TM2D2: variants seen among roughly 807,000 people sequenced by gnomAD.
The protein encoded by TM2D2 is TM2 domain containing 2.
A neutral mutation model predicts 23.0 loss-of-function variants in TM2D2; 19 were observed. The ratio of observed to expected loss-of-function variants is 0.82; its 90% CI spans 0.58 to 1.21. TM2D2 has a LOEUF of 1.21. Among genes scored for constraint, TM2D2 ranks in the 50% most tolerant of loss-of-function variants. The pLI, the probability that TM2D2 is intolerant of heterozygous loss-of-function variation, is 0.00. For synonymous variants in TM2D2, 120 were observed against 108.8 expected, an observed-to-expected ratio of 1.10 and a Z score of -0.64; for missense variants, 246 against 265.4, an observed-to-expected ratio of 0.93 and a Z score of 0.51.
chr8:38,995,550 C>T (rs1376285680), intron 1 of TM2D2, 145 bp from the exon 2 acceptor site: 11 of 1,513,162 alleles, frequency 7.3e-6, no homozygotes, highest in Non-Finnish European at 9.7e-6. Flanking sequence ...CTTTCCAAGC[C>T]AATTAAACTG....
rs561300785 is a variant in TM2D2 at position 38,996,288 on chromosome 8, T to A, written c.152A>T (p.Gln51Leu). ...EPELTSAGAAQPEGPGGAASW... is the reference protein window; with the variant it reads ...EPELTSAGAALPEGPGGAASW... ...CGCAGCACCCCCGGGGCCCTCCGGC[T>A]GGGCGGCGCCAGCGGATGTGAGCTC... is the stretch of plus-strand genomic sequence containing the variant. Residue 51 changes from glutamine to leucine, a missense_variant, in exon 1 of 4, where the codon CAG becomes CTG. Gln to Leu is a moderately radical substitution (Grantham distance 113, BLOSUM62 -2). Coordinates refer to ENST00000456397, the MANE Select transcript of TM2D2 (RefSeq NM_078473.3). 1.9e-6 allele frequency: 3 copies of A among 1,614,002 alleles called. No homozygotes were observed. Among genetic ancestry groups the A allele is most frequent in the Non-Finnish European group, 2.5e-6 (3 of 1,179,990 alleles).
rs1254317649 is a variant in TM2D2, at chr8:38,996,505, G to C, written c.-66C>G. On this transcript the variant is annotated 5_prime_UTR_variant, in exon 1 of 4. Coordinates refer to ENST00000456397, the MANE Select transcript of TM2D2 (RefSeq NM_078473.3). ...CCCCAGGCCAGCAGCACAGACCCAAGAACTGCGTGGTCAGGCCTTTCCGCG... is the reference window on the plus strand; with the variant it reads ...CCCCAGGCCAGCAGCACAGACCCAACAACTGCGTGGTCAGGCCTTTCCGCG... The C allele has an allele frequency of 1.9e-6, 3 of 1,593,406 alleles. No homozygotes were observed. The highest frequency in any genetic ancestry group is 1.7e-4 in the Middle Eastern group (1 of 5,924).
rs1248684760 is a variant in TM2D2, at chr8:38,989,974, C to A, written c.*1358G>T. 1 of 152,142 alleles carries A rather than the reference C, an allele frequency of 6.6e-6. No individual in the cohort carries two copies. The highest frequency in any genetic ancestry group is 2.4e-5 in the African/African-American group (1 of 41,412). The allele number at this position is 152,142 out of a possible 1,614,324, so 9.4% of individuals were successfully genotyped here. On this transcript the variant is annotated 3_prime_UTR_variant, in exon 4 of 4. Transcript: ENST00000456397. ...ATGACCCATAAAAATTTAATAAATA[C>A]TATCTTAGGGTATAAAGATTATGAA...
At position 38,993,531 on chromosome 8, in the gene TM2D2, A is replaced by T; in HGVS notation, c.431+14T>A. On this transcript the variant is annotated intron_variant, in intron 3 of 3. Transcript: ENST00000456397. Reference sequence around the variant, plus strand: ...CAACCAAGTACCAACTACTCCAATCAAAGTAACACTTACTTTATACAAGGT... The same window carrying T: ...CAACCAAGTACCAACTACTCCAATCTAAGTAACACTTACTTTATACAAGGT... 1 of 1,592,672 alleles carries T rather than the reference A, an allele frequency of 6.3e-7. No individual in the cohort carries two copies. Among genetic ancestry groups the T allele is most frequent in the Non-Finnish European group, 8.6e-7 (1 of 1,162,094 alleles).
intron 3 of TM2D2, among the ~76,000 whole-genome samples, chr8:38,993,220 A>G (rs1335771806): frequency 6.6e-6 from 1 of 152,200 alleles, no homozygotes; most frequent in Non-Finnish European, 1.5e-5. Context: ...TCTACTATAA[A>G]CATATTGCTT....
At chr8:38,995,439 A>G (rs776606969) in intron 1 of TM2D2, 34 bp from the exon 2 acceptor site, 3 of 1,608,152 alleles carry the variant, frequency 1.9e-6, no homozygotes, top group Non-Finnish European at 2.5e-6. Flanking sequence ...GATCATCATC[A>G]TACGGTCTTT....
chr8:38,995,563 G>A, intron 1 of TM2D2, 158 bp from the exon 2 acceptor site: 1 of 1,499,486 alleles, frequency 6.7e-7, no homozygotes, highest in Non-Finnish European at 8.8e-7. Flanking sequence ...TTAAACTGAA[G>A]CACAGCAGGT....
At chr8:38,995,172 C>A (rs1007475818) in intron 2 of TM2D2, 146 bp downstream of exon 2, 8 of 623,752 alleles carry the variant, frequency 1.3e-5, no homozygotes, top group Non-Finnish European at 2.1e-5. Flanking sequence ...GTCACTGACC[C>A]TGGCCATACT....
rs113925400 is a variant in TM2D2 at position 38,996,465 on chromosome 8, C to T, written c.-26G>A. Reference sequence around the variant, plus strand: ...CTTCCCGGGCACAGGAGCGGAGACCCGGCCTCAACCACAACCCCAGGCCAG... The same window carrying T: ...CTTCCCGGGCACAGGAGCGGAGACCTGGCCTCAACCACAACCCCAGGCCAG... On this transcript the variant is annotated 5_prime_UTR_variant, in exon 1 of 4. Coordinates refer to ENST00000456397, the MANE Select transcript of TM2D2 (RefSeq NM_078473.3). 5 of 1,612,740 alleles carry T rather than the reference C, an allele frequency of 3.1e-6. No homozygotes were observed. The highest frequency in any genetic ancestry group is 1.3e-5 in the African/African-American group (1 of 74,926).
Position 38,991,418 on chromosome 8 carries a change from C to G in TM2D2, c.559G>C (p.Gly187Arg). The G allele has an allele frequency of 6.2e-7, 1 of 1,614,174 alleles. No homozygotes were observed. The highest frequency in any genetic ancestry group is 8.5e-7 in the Non-Finnish European group (1 of 1,180,030). The stretch of plus-strand genomic sequence containing the variant: ...ATAAGGTCAACAAACCACCAAATCC[C>G]AAGTCCTCCAAGCGTCAACAGCTTC... ...VGKLLTLGGL[G>R]IWWFVDLILL... Residue 187 changes from glycine (G) to arginine (R), a missense_variant, in exon 4 of 4, where the codon GGG (glycine) becomes CGG (arginine). Physicochemically the swap from Gly to Arg is moderately radical, Grantham distance 125. This residue lies in a region of TM2D2 where 34 missense variants were observed against 63.2 expected (regional missense o/e 0.54). Transcript: ENST00000456397.
At chr8:38,993,787 T>A in intron 2 of TM2D2, 127 bp from the exon 3 acceptor site, 1 of 616,708 alleles carries the variant, frequency 1.6e-6, no homozygotes, top group Non-Finnish European at 2.8e-6. Flanking sequence ...AAGGTTGAGG[T>A]ACAGCTGTGC....
Position 38,996,362 on chromosome 8 carries a change from C to T in TM2D2, c.78G>A (p.Leu26=). ...AGTGGCTCCGAGACACACAATGCAG[C>T]AGAAGTAAATTCCCCAGCAGCAAAG... is the stretch of plus-strand genomic sequence containing the variant. The part of the protein sequence containing the change: ...QAALLLGNLL[L]LHCVSRSHSQ... The change falls in exon 1 of 4, where the codon CTG becomes CTA. Residue 26 remains leucine (L), a synonymous_variant. Transcript: ENST00000456397. 1 of 1,614,214 alleles carries T rather than the reference C, an allele frequency of 6.2e-7. No individual in the cohort carries two copies. The highest frequency in any genetic ancestry group is 1.3e-5 in the African/African-American group (1 of 75,058).
chr8:38,991,566 G>A (rs1342450857), intron 3 of TM2D2, 21 bp from the exon 4 acceptor site: 1 of 1,586,244 alleles, frequency 6.3e-7, no homozygotes, highest in East Asian at 2.2e-5. Context: ...GGAATGAAAA[G>A]GAAGATGTTT....
chr8:38,994,894 G>A (rs1835709389), intron 2 of TM2D2, among the ~76,000 whole-genome samples: 1 of 152,198 alleles, frequency 6.6e-6, no homozygotes, highest in Admixed American at 6.5e-5. Flanking sequence ...TGTTTGCCTG[G>A]AGAAAAGAAA....
At chr8:38,991,746 A>G (rs1036867002) in intron 3 of TM2D2, among the ~76,000 whole-genome samples, 1 of 152,204 alleles carries the variant, frequency 6.6e-6, no homozygotes, top group Non-Finnish European at 1.5e-5. Context: ...CATAGGTCCC[A>G]GAGACAGGAG....
At chr8:38,992,917 C>G (rs4733896) in intron 3 of TM2D2, among the ~76,000 whole-genome samples, 126,471 of 152,268 alleles carry the variant, frequency 0.83, 52,979 homozygotes, top group East Asian at 0.95. Flanking sequence ...ACTAATCATA[C>G]TCATAGACTG....
At position 38,992,341 on chromosome 8, in the gene TM2D2, G is replaced by T. The variant is rs570210609; in HGVS notation, c.432-796C>A. Among the ~76,000 whole-genome samples the T allele has an allele frequency of 2.7e-5, 4 of 147,390 alleles. No homozygotes were observed. The South Asian group carries it at 8.8e-4, about 32-fold the overall frequency. ...AAAAAAAAAAAAAAAGGCCAGGTGT[G>T]GTGGAGCACACCTGTAGTCCTAGTT... On this transcript the variant is annotated intron_variant, in intron 3 of 3. Transcript: ENST00000456397.
In TM2D2 at chr8:38,993,560, T is replaced by C. The variant is rs754766388; in HGVS notation, c.416A>G (p.Asn139Ser). The C allele has an allele frequency of 3.7e-6, 6 of 1,612,982 alleles. No homozygotes were observed. In the East Asian group the frequency reaches 1.3e-4, roughly 36 times the overall value. The part of the protein sequence containing the change: ...CASPRTFLRE[N>S]KPCIKYTGHY... ...TAACACTTACTTTATACAAGGTTTA[T>C]TTTCTCGTAGAAAGGTCCTAGGACT... The change falls in exon 3 of 4, where the codon AAT becomes AGT. Residue 139 changes from asparagine to serine, a missense_variant. This residue lies in a region of TM2D2 where 212 missense variants were observed against 202.2 expected (regional missense o/e 1.05). Coordinates refer to ENST00000456397, the MANE Select transcript of TM2D2 (RefSeq NM_078473.3).
At chr8:38,996,989 C>A, upstream of TM2D2, 2 of 1,549,930 alleles carry the variant, frequency 1.3e-6, no homozygotes, top group Non-Finnish European at 1.7e-6. Flanking sequence ...GGGGCCCCGG[C>A]AGGGTTGGAA....
Sources: allele counts gnomAD v4.1 joint callset (sites outside exome capture counted in the v4.1 genomes callset), GRCh38; gene constraint gnomAD v4.1.1; regional missense constraint gnomAD v4.1.1; transcripts MANE v1.5; gene names NCBI Gene and HGNC (gene_info 2026-07-23, HGNC 2026-07-21).